Variants in RARB observed in about 807,000 individuals in gnomAD.
The protein encoded by RARB is HBV-activated protein.
A neutral mutation model predicts 51.9 loss-of-function variants in RARB; 17 were observed. The ratio of observed to expected loss-of-function variants is 0.33; its 90% confidence interval spans 0.22 to 0.49. RARB has a LOEUF of 0.49. Among genes scored for constraint, RARB ranks in the 20% least tolerant of loss-of-function variants. The probability of loss-of-function intolerance (pLI) is 0.99; values close to 1 mark genes in which losing one functional copy is unlikely to be tolerated. For synonymous variants in RARB, 215 were observed against 195.4 expected, an observed-to-expected ratio of 1.10 and a Z score of -0.84; for missense variants, 369 against 550.8, an observed-to-expected ratio of 0.67 and a Z score of 3.30.
chr3:25,244,121 A>T (rs1702496760), intron 5 of RARB, among the ~76,000 whole-genome samples: 1 of 152,034 alleles, frequency 6.6e-6, no homozygotes, highest in African/African-American at 2.4e-5. Flanking sequence ...GTATTCTCTG[A>T]TAGTAGTTTG....
chr3:25,181,563 T>C (rs1700861861), intron 5 of RARB, among the ~76,000 whole-genome samples: 1 of 152,212 alleles, frequency 6.6e-6, no homozygotes, highest in South Asian at 2.1e-4. Context: ...ATGTATGCGA[T>C]AGTTGCAAAT....
Position 25,428,342 on chromosome 3 carries a change from A to T in RARB, c.-390A>T. 1 of 1,247,686 alleles carries T rather than the reference A, an allele frequency of 8.0e-7. No individual in the cohort carries two copies. 77.3% of individuals were successfully genotyped at this position (1,247,686 alleles called of 1,614,324 possible). ...CCAAAGGGGGGACCAGAATTCCCCCATGCGAGCTGTTTGAGGACTGGGATG... is the reference window on the plus strand; with the variant it reads ...CCAAAGGGGGGACCAGAATTCCCCCTTGCGAGCTGTTTGAGGACTGGGATG... On this transcript the variant is annotated 5_prime_UTR_variant, in exon 1 of 8. The change abolishes an upstream ATG in the 5' untranslated region. Transcript: ENST00000330688.
intron 5 of RARB, among the ~76,000 whole-genome samples, chr3:25,302,501 C>A (rs755567813): frequency 6.6e-6 from 1 of 152,102 alleles, no homozygotes; most frequent in Non-Finnish European, 1.5e-5. Context: ...TAAAAGAAAC[C>A]AGTCACAAAG....
At chr3:25,180,890 C>T (rs577264167) in intron 5 of RARB, among the ~76,000 whole-genome samples, 4 of 152,144 alleles carry the variant, frequency 2.6e-5, no homozygotes, top group Non-Finnish European at 5.9e-5. Flanking sequence ...CATCAATTCC[C>T]TTGCTTTTTT....
intron 4 of RARB, among the ~76,000 whole-genome samples, chr3:25,157,986 A>C (rs773059155): frequency 3.3e-5 from 5 of 152,238 alleles, no homozygotes; most frequent in Non-Finnish European, 7.3e-5. Flanking sequence ...ACTTTTCCAA[A>C]GTGTGGTTAT....
chr3:25,248,849 C>G (rs1175515864), intron 5 of RARB, among the ~76,000 whole-genome samples: 1 of 152,084 alleles, frequency 6.6e-6, no homozygotes, highest in Non-Finnish European at 1.5e-5. Flanking sequence ...GATTCTTTAT[C>G]TTGCTGTTGT....
chr3:25,300,984 G>A (rs1259964879), intron 5 of RARB, among the ~76,000 whole-genome samples: 4 of 152,152 alleles, frequency 2.6e-5, no homozygotes, highest in East Asian at 3.8e-4. Context: ...GCTACAAAGC[G>A]AGACTCTGTC....
chr3:25,245,835 T>C (rs757339083), intron 5 of RARB, among the ~76,000 whole-genome samples: 1 of 152,198 alleles, frequency 6.6e-6, no homozygotes, highest in Non-Finnish European at 1.5e-5. Flanking sequence ...TATGGTGTTC[T>C]CTGTATTTCC....
chr3:25,519,043 T>C (rs968090524), intron 3 of RARB, among the ~76,000 whole-genome samples: 4 of 152,178 alleles, frequency 2.6e-5, no homozygotes, highest in African/African-American at 9.7e-5. Flanking sequence ...CAGTGTATGC[T>C]CTTTTGTGTC....
At chr3:25,379,566 A>G (rs755540214) in intron 5 of RARB, among the ~76,000 whole-genome samples, 3 of 152,246 alleles carry the variant, frequency 2.0e-5, no homozygotes, top group Admixed American at 6.5e-5. Context: ...CACTACACAC[A>G]TATATACACA....
At chr3:25,552,124 C>A (rs181599780) in intron 3 of RARB, among the ~76,000 whole-genome samples, 6 of 152,018 alleles carry the variant, frequency 3.9e-5, no homozygotes, top group Non-Finnish European at 8.8e-5. Context: ...TGACCACGGG[C>A]CCCTCTGTAG....
At chr3:25,171,345 G>A (rs1182258376) in intron 4 of RARB, among the ~76,000 whole-genome samples, 1 of 150,658 alleles carries the variant, frequency 6.6e-6, no homozygotes, top group African/African-American at 2.4e-5. Flanking sequence ...CTGCTTCCAG[G>A]AATAGCCTTA....
intron 3 of RARB, among the ~76,000 whole-genome samples, chr3:25,108,473 G>T (rs1575164132): frequency 6.6e-6 from 1 of 152,242 alleles, no homozygotes; most frequent in East Asian, 1.9e-4. Context: ...CCCAGAGGAA[G>T]AAGAAACAGA....
intron 5 of RARB, among the ~76,000 whole-genome samples, chr3:25,334,934 T>TTTTCA (rs1379784127): frequency 6.6e-6 from 1 of 152,112 alleles, no homozygotes; most frequent in Non-Finnish European, 1.5e-5. Flanking sequence ...CAGATCAGTG[T>TTTTCA]GAGTTGTGGA....
At chr3:25,375,620 A>G (rs1452590920) in intron 5 of RARB, among the ~76,000 whole-genome samples, 1 of 152,236 alleles carries the variant, frequency 6.6e-6, no homozygotes, top group East Asian at 1.9e-4. Context: ...CATTTGTCTG[A>G]AGCAAACTTG....
intron 2 of RARB, among the ~76,000 whole-genome samples, chr3:25,011,839 T>C (rs1697401827): frequency 6.6e-6 from 1 of 152,056 alleles, no homozygotes; most frequent in South Asian, 2.1e-4. Context: ...TTTAAACTAA[T>C]AGCATAATCA....
chr3:25,329,802 G>A (rs1357341339), intron 5 of RARB, among the ~76,000 whole-genome samples: 2 of 152,170 alleles, frequency 1.3e-5, no homozygotes, highest in East Asian at 1.9e-4. Flanking sequence ...AGAATAACCA[G>A]TGTAGAGAAG....
rs538193163 is a variant in RARB at position 25,244,225 on chromosome 3, A to AGTCTATT, written c.178+69651_178+69657dup. ...TTTCTTCTTTATTAGTCTGGCTAGCAGTCTATTTTTTTAATCTTTCCAATA... is the reference window on the plus strand; with the variant it reads ...TTTCTTCTTTATTAGTCTGGCTAGCAGTCTATTGTCTATTTTTTTAATCTTTCCAATA... On this transcript the variant is annotated intron_variant, in intron 5 of 11. Coordinates refer to the RARB transcript ENST00000383772. Among the ~76,000 whole-genome samples, 638 of 147,170 alleles carry AGTCTATT rather than the reference A, an allele frequency of 4.3e-3. 10 individuals are homozygous for AGTCTATT. Among genetic ancestry groups the AGTCTATT allele is most frequent in the South Asian group, 0.034 (159 of 4,686 alleles).
chr3:25,186,053 T>C (rs1700967801), intron 5 of RARB, among the ~76,000 whole-genome samples: 1 of 151,988 alleles, frequency 6.6e-6, no homozygotes, highest in South Asian at 2.1e-4. Flanking sequence ...ATTCCAGCAT[T>C]CCAATTAAAA....
Sources: allele counts gnomAD v4.1 joint callset (sites outside exome capture counted in the v4.1 genomes callset), GRCh38; gene constraint gnomAD v4.1.1; transcripts MANE v1.5; gene names NCBI Gene and HGNC (gene_info 2026-07-23, HGNC 2026-07-21).